CMIP: variants seen among roughly 807,000 people sequenced by gnomAD.
CMIP encodes the protein c-Maf inducing protein.
A neutral mutation model predicts 97.3 loss-of-function variants in CMIP; 13 were observed. That is an observed-to-expected ratio of 0.13 (90% confidence interval 0.09 to 0.21). The LOEUF (loss-of-function observed/expected upper bound fraction) is 0.21. Among genes scored for constraint, CMIP ranks in the 10% least tolerant of loss-of-function variants. The pLI, the probability that CMIP is intolerant of heterozygous loss-of-function variation, is 1.00. For synonymous variants in CMIP, 538 were observed against 436.3 expected (o/e 1.23, Z -2.91); for missense variants, 847 against 1,024.9 (o/e 0.83, Z 2.37).
intron 1 of CMIP, among the ~76,000 whole-genome samples, chr16:81,568,682 C>G (rs2091028443): frequency 6.6e-6 from 1 of 152,216 alleles, no homozygotes; most frequent in Non-Finnish European, 1.5e-5. Flanking sequence ...GCAAGAGCCT[C>G]AAACCTTGGC....
chr16:81,598,776 G>C (rs1435569611), intron 1 of CMIP, among the ~76,000 whole-genome samples: 1 of 152,034 alleles, frequency 6.6e-6, no homozygotes, highest in Non-Finnish European at 1.5e-5. Context: ...AGACCAGCCT[G>C]GCCAACATGG....
chr16:81,609,663 C>G (rs2091799596), intron 2 of CMIP, among the ~76,000 whole-genome samples: 1 of 152,176 alleles, frequency 6.6e-6, no homozygotes, highest in South Asian at 2.1e-4. Flanking sequence ...AGCAGGCTCC[C>G]CAGACAGGGG....
chr16:81,686,987 A>C (rs1255688962), intron 10 of CMIP, among the ~76,000 whole-genome samples: 1 of 151,914 alleles, frequency 6.6e-6, no homozygotes, highest in Non-Finnish European at 1.5e-5. Context: ...CGCCTCCCCA[A>C]CACAGACCAC....
At chr16:81,662,969 C>G (rs1392537732) in intron 6 of CMIP, among the ~76,000 whole-genome samples, 2 of 152,050 alleles carry the variant, frequency 1.3e-5, no homozygotes, top group African/African-American at 4.8e-5. Context: ...TTACAGAAGT[C>G]TCATTATATA....
chr16:81,663,116 T>TTC (rs2092565502), intron 6 of CMIP, among the ~76,000 whole-genome samples: 1 of 151,932 alleles, frequency 6.6e-6, no homozygotes, highest in African/African-American at 2.4e-5. Context: ...AAAAAAAATT[T>TTC]TAAGGCTATG....
chr16:81,527,896 G>A (rs575226733), intron 1 of CMIP, among the ~76,000 whole-genome samples: 1 of 151,280 alleles, frequency 6.6e-6, no homozygotes, highest in Admixed American at 6.5e-5. Flanking sequence ...AGTCTCTTGC[G>A]TATGCCTTTT....
intron 1 of CMIP, among the ~76,000 whole-genome samples, chr16:81,484,476 T>A (rs1014205490): frequency 6.6e-6 from 1 of 152,198 alleles, no homozygotes; most frequent in East Asian, 1.9e-4. Context: ...CCATTTTGAC[T>A]CTGGTGGAGA....
chr16:81,663,564 T>G (rs558603021), intron 6 of CMIP, among the ~76,000 whole-genome samples: 1 of 152,208 alleles, frequency 6.6e-6, no homozygotes. Context: ...CTCCAGGACA[T>G]TAGACATTTG....
chr16:81,455,119 T>C (rs1193685098), intron 1 of CMIP, among the ~76,000 whole-genome samples: 1 of 152,150 alleles, frequency 6.6e-6, no homozygotes, highest in Non-Finnish European at 1.5e-5. Flanking sequence ...GGTGGTGCTT[T>C]ACGATGCAGA....
At chr16:81,535,387 C>G (rs567976288) in intron 1 of CMIP, among the ~76,000 whole-genome samples, 41 of 151,944 alleles carry the variant, frequency 2.7e-4, no homozygotes, top group Non-Finnish European at 4.7e-4. Flanking sequence ...GTGTATTTAA[C>G]CTTCTCGTGG....
At chr16:81,564,040 C>T (rs1470284132) in intron 1 of CMIP, among the ~76,000 whole-genome samples, 6 of 152,276 alleles carry the variant, frequency 3.9e-5, no homozygotes, top group African/African-American at 1.4e-4. Context: ...ATTTCGTCCT[C>T]TCCTTCTACC....
intron 1 of CMIP, among the ~76,000 whole-genome samples, chr16:81,479,343 G>A (rs2927323): frequency 0.76 from 115,571 of 152,066 alleles, 44,494 homozygotes; most frequent in African/African-American, 0.88. Context: ...TTTTTAAATG[G>A]TGATAAAATA....
intron 1 of CMIP, among the ~76,000 whole-genome samples, chr16:81,503,021 C>T (rs1167442945): frequency 6.6e-6 from 1 of 151,862 alleles, no homozygotes; most frequent in African/African-American, 2.4e-5. Context: ...GTCTGTTAAG[C>T]AGCCAGAGAT....
chr16:81,470,567 C>T (rs1455121258), intron 1 of CMIP, among the ~76,000 whole-genome samples: 3 of 152,158 alleles, frequency 2.0e-5, no homozygotes, highest in African/African-American at 7.2e-5. Context: ...GAGTCCACCA[C>T]GAAGGTGGAG....
intron 1 of CMIP, among the ~76,000 whole-genome samples, chr16:81,565,927 G>A (rs1991042): frequency 0.38 from 57,593 of 152,070 alleles, 12,743 homozygotes; most frequent in Non-Finnish European, 0.49. Context: ...ATGCCCCTGC[G>A]CCCTCCTTCA....
At chr16:81,623,015 C>A (rs1207976079) in intron 3 of CMIP, among the ~76,000 whole-genome samples, 2 of 152,170 alleles carry the variant, frequency 1.3e-5, no homozygotes, top group African/African-American at 4.8e-5. Context: ...CCAGCCTGGG[C>A]AGCATGGCAA....
At chr16:81,703,700 G>T (rs1907689399) in intron 17 of CMIP, among the ~76,000 whole-genome samples, 1 of 152,038 alleles carries the variant, frequency 6.6e-6, no homozygotes, top group Non-Finnish European at 1.5e-5. Flanking sequence ...CAGCACTGGA[G>T]GCTTTCTCCT....
chr16:81,578,768 C>T (rs1036539390), intron 1 of CMIP, among the ~76,000 whole-genome samples: 2 of 152,260 alleles, frequency 1.3e-5, no homozygotes, highest in African/African-American at 2.4e-5. Flanking sequence ...AAGCAGCCAA[C>T]ACCTGCTCCC....
At position 81,655,481 on chromosome 16, in the gene CMIP, C is replaced by A. The variant is rs1349896267; in HGVS notation, c.640-2294C>A. 4.6e-5 allele frequency among the ~76,000 whole-genome samples: 7 copies of A among 152,180 alleles called. No homozygotes were observed. The highest frequency in any genetic ancestry group is 4.6e-4 in the Admixed American group (7 of 15,282). ...TAAAGTGGCCGCTTAGCTCGAGAGT[C>A]AGGTGTTCCCTCTAATGCAGTGGCT... On this transcript the variant is annotated intron_variant, in intron 4 of 20. Coordinates refer to ENST00000537098, the MANE Select transcript of CMIP (RefSeq NM_198390.3). This position sits in a 1 kb window ranked among gnomAD's most constrained non-coding sequence, Gnocchi z 4.9.
Sources: allele counts gnomAD v4.1 joint callset (sites outside exome capture counted in the v4.1 genomes callset), GRCh38; gene constraint gnomAD v4.1.1; non-coding constraint Gnocchi (gnomAD v3.1); transcripts MANE v1.5; gene names NCBI Gene and HGNC (gene_info 2026-07-23, HGNC 2026-07-21).